Variants in TXNDC16 observed in about 807,000 individuals in gnomAD.
The protein encoded by TXNDC16 is thioredoxin domain-containing protein 16.
A neutral mutation model predicts 85.6 loss-of-function variants in TXNDC16; 74 were observed. The ratio of observed to expected loss-of-function variants is 0.86; its 90% CI spans 0.72 to 1.05. TXNDC16 has a LOEUF of 1.05. TXNDC16 is among the 50% of genes least tolerant of loss of function. The probability of loss-of-function intolerance (pLI) is 0.00; values close to 1 mark genes in which losing one functional copy is unlikely to be tolerated. For missense variants in TXNDC16, 959 were observed against 947.0 expected, an observed-to-expected ratio of 1.01 and a Z score of -0.17; for synonymous variants, 335 against 326.5, an observed-to-expected ratio of 1.03 and a Z score of -0.28.
intron 16 of TXNDC16, among the ~76,000 whole-genome samples, chr14:52,462,347 AC>A (rs1346257796): frequency 1.3e-5 from 2 of 151,994 alleles, no homozygotes; most frequent in Non-Finnish European, 2.9e-5. Flanking sequence ...ACAGACTCTC[AC>A]TCCATCATCC....
At chr14:52,496,354 C>G (rs1287544727) in intron 9 of TXNDC16, among the ~76,000 whole-genome samples, 1 of 151,582 alleles carries the variant, frequency 6.6e-6, no homozygotes, top group Non-Finnish European at 1.5e-5. Context: ...AGGGCTCAGT[C>G]CTGTTCCCTG....
intron 1 of TXNDC16, among the ~76,000 whole-genome samples, chr14:52,546,314 A>C (rs999674278): frequency 1.3e-5 from 2 of 152,144 alleles, no homozygotes; most frequent in Non-Finnish European, 2.9e-5. Flanking sequence ...CAAAAACTTA[A>C]TACTACAAAA....
At chr14:52,461,501 TGGAAAATAAATTATGACACA>T (rs2035651759) in intron 16 of TXNDC16, among the ~76,000 whole-genome samples, 1 of 152,224 alleles carries the variant, frequency 6.6e-6, no homozygotes, top group Admixed American at 6.5e-5. Flanking sequence ...TTTTAATTAT[TGGAAAATAAATTATGACACA>T]GGTACCCTCC....
chr14:52,442,062 A>T (rs1340410320), intron 18 of TXNDC16, among the ~76,000 whole-genome samples: 1 of 152,170 alleles, frequency 6.6e-6, no homozygotes, highest in Non-Finnish European at 1.5e-5. Context: ...GAAATGAGGG[A>T]ATTGAAAGAA....
chr14:52,439,834 T>A (rs1020533359), intron 19 of TXNDC16, among the ~76,000 whole-genome samples: 1 of 152,196 alleles, frequency 6.6e-6, no homozygotes, highest in Non-Finnish European at 1.5e-5. Flanking sequence ...GGAAAAGGCA[T>A]TAATTTCAAA....
rs1309957745 is a variant in TXNDC16, at chr14:52,470,037, C to G, written c.1618G>C (p.Ala540Pro). 1.9e-6 allele frequency: 3 copies of G among 1,604,462 alleles called. No individual in the cohort carries two copies. The highest frequency in any genetic ancestry group is 2.5e-6 in the Non-Finnish European group (3 of 1,176,900). Residue 540 changes from alanine (A) to proline (P), a missense_variant and splice_region_variant, in exon 16 of 21, where the codon GCA becomes CCA. Ala to Pro is a conservative substitution (Grantham distance 27). Coordinates refer to ENST00000281741, the MANE Select transcript of TXNDC16 (RefSeq NM_020784.3). ...LGLFSPTMKT[A>P]KEDFSEAGNY... ...AATTTAAAAGCTCAGCTCTGCTTAC[C>G]TGTTTTCATGGTTGGACTAAATAGT... is the stretch of plus-strand genomic sequence containing the variant.
intron 18 of TXNDC16, among the ~76,000 whole-genome samples, chr14:52,450,928 G>A (rs570905214): frequency 1.9e-4 from 29 of 151,104 alleles, no homozygotes; most frequent in Admixed American, 1.4e-3. Context: ...CACACACATT[G>A]TGGAATACTA....
intron 18 of TXNDC16, among the ~76,000 whole-genome samples, chr14:52,442,325 C>T (rs2035185411): frequency 6.6e-6 from 1 of 152,122 alleles, no homozygotes; most frequent in South Asian, 2.1e-4. Context: ...TATGGGGAAG[C>T]CAACACAGAG....
chr14:52,457,317 G>C, intron 16 of TXNDC16, 143 bp from the exon 17 acceptor site: 1 of 489,870 alleles, frequency 2.0e-6, no homozygotes, highest in Non-Finnish European at 3.5e-6. Context: ...ATATAATTTA[G>C]TGGTTCCAAA....
intron 6 of TXNDC16, among the ~76,000 whole-genome samples, chr14:52,529,875 TTA>T (rs1201202473): frequency 4.7e-5 from 5 of 105,294 alleles, no homozygotes; most frequent in African/African-American, 1.6e-4. Context: ...ATGATACCTA[TTA>T]TATATATGAA....
intron 18 of TXNDC16, among the ~76,000 whole-genome samples, chr14:52,453,314 A>T (rs902558473): frequency 7.2e-5 from 11 of 152,218 alleles, no homozygotes; most frequent in Admixed American, 3.3e-4. Flanking sequence ...ACCATTCAGC[A>T]ATGTGACTCC....
intron 14 of TXNDC16, among the ~76,000 whole-genome samples, chr14:52,473,940 T>C (rs2035963767): frequency 6.6e-6 from 1 of 152,216 alleles, no homozygotes; most frequent in Non-Finnish European, 1.5e-5. Context: ...GGCTTCAACA[T>C]AGACACAAAA....
At chr14:52,504,355 G>A (rs1156912832) in intron 9 of TXNDC16, among the ~76,000 whole-genome samples, 1 of 152,254 alleles carries the variant, frequency 6.6e-6, no homozygotes, top group Non-Finnish European at 1.5e-5. Context: ...AAGTCCATCA[G>A]ACTAACAGCT....
chr14:52,530,459 T>TA lies in TXNDC16; in HGVS notation c.392+6259dup, dbSNP rs1444632563. Among the ~76,000 whole-genome samples, 30 of 5,070 alleles carry TA rather than the reference T, an allele frequency of 5.9e-3. 3 individuals are homozygous for TA. Among genetic ancestry groups the TA allele is most frequent in the African/African-American group, 0.026 (15 of 580 alleles). The allele number at this position is 5,070 out of a possible 152,430, so 3.3% of individuals were successfully genotyped here. A position where few individuals can be genotyped will look rare whatever the true frequency, so the allele number is the denominator to read the frequency against. On this transcript the variant is annotated intron_variant, in intron 6 of 20. Transcript: ENST00000281741. ...TATATAATATATTATTATATAATAA[T>TA]ATATATTATATATTATTATATATAA...
In TXNDC16 at chr14:52,536,242, G is replaced by A. The variant is rs189449886; in HGVS notation, c.392+477C>T. Among the ~76,000 whole-genome samples, 443 of 148,510 alleles carry A rather than the reference G, an allele frequency of 3.0e-3. 1 individual carries two copies. The highest frequency in any genetic ancestry group is 0.01 in the African/African-American group (414 of 40,580). On this transcript the variant is annotated intron_variant, in intron 6 of 20. Transcript: ENST00000281741. ...ATCCCTTTCATCATGTGAGGACACA[G>A]GGAAAAGATGACCAGCTATAAACCA...
At chr14:52,550,495 G>A (rs1036387690) in intron 1 of TXNDC16, among the ~76,000 whole-genome samples, 1 of 151,972 alleles carries the variant, frequency 6.6e-6, no homozygotes, top group Non-Finnish European at 1.5e-5. Context: ...CACCCTCACC[G>A]CCCACCTCTA....
At chr14:52,541,964 ATTAT>A (rs934164847) in intron 4 of TXNDC16, among the ~76,000 whole-genome samples, 1 of 152,230 alleles carries the variant, frequency 6.6e-6, no homozygotes, top group Non-Finnish European at 1.5e-5. Context: ...ACAGAAAAAA[ATTAT>A]TTGTTTACCT....
chr14:52,497,651 G>A (rs1010795122), intron 9 of TXNDC16, among the ~76,000 whole-genome samples: 59 of 152,106 alleles, frequency 3.9e-4, no homozygotes, highest in African/African-American at 1.2e-3. Flanking sequence ...AGGCTGAGGC[G>A]GGCGGATTGC....
chr14:52,532,603 A>AT (rs2037608078), intron 6 of TXNDC16, among the ~76,000 whole-genome samples: 2 of 151,808 alleles, frequency 1.3e-5, no homozygotes, highest in Admixed American at 1.3e-4. Flanking sequence ...CGCCCGGCTA[A>AT]TTTTTTGTAT....
Sources: gnomAD v4.1 joint callset for allele counts (sites outside exome capture counted in the v4.1 genomes callset) on GRCh38, gnomAD v4.1.1 for gene constraint, MANE v1.5 for transcripts, NCBI Gene and HGNC (gene_info 2026-07-23, HGNC 2026-07-21) for gene names.